TTLL4: variants seen among roughly 807,000 people sequenced by gnomAD.
TTLL4 encodes the protein tubulin monoglutamylase TTLL4.
A neutral mutation model predicts 122.7 loss-of-function variants in TTLL4; 85 were observed. The observed-to-expected ratio is 0.69, with a 90% confidence interval of 0.58 to 0.83. The LOEUF (loss-of-function observed/expected upper bound fraction) is 0.83, where lower values mean the gene tolerates loss of function less well. Among genes scored for constraint, TTLL4 ranks in the 40% least tolerant of loss-of-function variants. The pLI is 0.00. For synonymous variants in TTLL4, 553 were observed against 563.0 expected (o/e 0.98, Z 0.25); for missense variants, 1,363 against 1,488.6 (o/e 0.92, Z 1.39).
intron 5 of TTLL4, among the ~76,000 whole-genome samples, chr2:218,744,048 A>G (rs1942776400): frequency 6.6e-6 from 1 of 152,230 alleles, no homozygotes; most frequent in Non-Finnish European, 1.5e-5. Flanking sequence ...CATACTCAGT[A>G]AACCAAAAGC....
At chr2:218,745,880 C>CGAGGTGT in intron 7 of TTLL4, 79 bp downstream of exon 7, 1 of 1,333,234 alleles carries the variant, frequency 7.5e-7, no homozygotes, top group Non-Finnish European at 1.1e-6. Context: ...GCTCTAGACA[C>CGAGGTGT]CTCGTGCCTA....
rs1272848578 is a variant in TTLL4 at position 218,738,338 on chromosome 2, C to G, written c.662C>G (p.Ser221Cys). The G allele has an allele frequency of 9.9e-6, 16 of 1,614,020 alleles. No individual in the cohort carries two copies. Among genetic ancestry groups the G allele is most frequent in the African/African-American group, 1.3e-5 (1 of 74,904 alleles). ...SSYKPMLNNN[S>C]FMWPNSTPVP... ...TATAAGCCCATGCTGAATAATAATT[C>G]CTTCATGTGGCCAAATAGCACGCCA... Residue 221 changes from serine (S) to cysteine (C), a missense_variant, in exon 3 of 20, where the codon TCC becomes TGC. Ser to Cys is a moderately radical substitution (Grantham distance 112). Coordinates refer to ENST00000392102, the MANE Select transcript of TTLL4 (RefSeq NM_014640.5).
intron 16 of TTLL4, 60 bp from the exon 17 acceptor site, chr2:218,752,703 G>A: frequency 6.3e-7 from 1 of 1,588,710 alleles, no homozygotes; most frequent in Non-Finnish European, 8.6e-7. Flanking sequence ...AGCTTCTTGA[G>A]TCTCTGCCCC....
intron 19 of TTLL4, 32 bp downstream of exon 19, chr2:218,753,701 T>A (rs957567112): frequency 1.9e-6 from 3 of 1,609,144 alleles, no homozygotes; most frequent in Admixed American, 1.7e-5. Flanking sequence ...GAGGGGCTGC[T>A]GGCTGTGAGT....
intron 2 of TTLL4, among the ~76,000 whole-genome samples, chr2:218,727,678 C>T (rs1011647432): frequency 1.3e-5 from 2 of 152,008 alleles, no homozygotes; most frequent in Non-Finnish European, 2.9e-5. Flanking sequence ...GGAGGTGGAG[C>T]TTGCAGTGAG....
intron 2 of TTLL4, among the ~76,000 whole-genome samples, chr2:218,734,659 T>A (rs1197552737): frequency 6.6e-6 from 1 of 152,128 alleles, no homozygotes; most frequent in African/African-American, 2.4e-5. Flanking sequence ...GTGGGGCTGT[T>A]TTTCAGGGGG....
intron 12 of TTLL4, 142 bp from the exon 13 acceptor site, chr2:218,748,694 C>A: frequency 3.2e-6 from 2 of 616,564 alleles, no homozygotes; most frequent in South Asian, 4.8e-5. Flanking sequence ...CTATTTGCAT[C>A]CAAGTTCATC....
Position 218,738,604 on chromosome 2 carries a change from T to G in TTLL4, c.928T>G (p.Leu310Val). The G allele has an allele frequency of 6.2e-7, 1 of 1,614,212 alleles. No individual in the cohort carries two copies. The highest frequency in any genetic ancestry group is 8.5e-7 in the Non-Finnish European group (1 of 1,180,046). ...CTCTTCCTGGTATAACCGGAATAAC[T>G]TAGCCATGAGGGCAGAGCCACTTTC... ...VASSWYNRNN[L>V]AMRAEPLSCA... The change falls in exon 3 of 20, where the codon TTA becomes GTA. Residue 310 changes from leucine to valine, a missense_variant. By Grantham distance (32) the Leu-to-Val change is conservative. Transcript: ENST00000392102.
intron 1 of TTLL4, among the ~76,000 whole-genome samples, chr2:218,720,825 G>C (rs539827357): frequency 4.1e-4 from 62 of 152,244 alleles, no homozygotes; most frequent in African/African-American, 1.4e-3. Context: ...CCTCAAGATG[G>C]GAGGCTGATT....
rs2114664 is a variant in TTLL4, at chr2:218,738,929, G to A, written c.1253G>A (p.Arg418His). 10,570 of 1,614,146 alleles carry A rather than the reference G, an allele frequency of 6.5e-3. 587 individuals carry two copies. The African/African-American group carries it at 0.12, about 19-fold the overall frequency. The stretch of plus-strand genomic sequence containing the variant: ...GACAATACAGTCTTCTGTACCAAGC[G>A]TATCAGCATTCACCTCCTTGCCTCA... ...GLDNTVFCTKRISIHLLASHA... is the reference protein window; with the variant it reads ...GLDNTVFCTKHISIHLLASHA... Residue 418 changes from arginine to histidine, a missense_variant, in exon 3 of 20, where the codon CGT becomes CAT. By Grantham distance (29) the Arg-to-His change is conservative. This residue lies in a region of TTLL4 where 760 missense variants were observed against 808.4 expected (regional missense o/e 0.94). Transcript: ENST00000392102.
chr2:218,738,708 C>T lies in TTLL4; in HGVS notation c.1032C>T (p.Thr344=), dbSNP rs146208784. The T allele has an allele frequency of 1.2e-5, 20 of 1,614,062 alleles. No individual in the cohort carries two copies. The highest frequency in any genetic ancestry group is 4.4e-5 in the South Asian group (4 of 91,084). The part of the protein sequence containing the change: ...IRFTEAVRKL[T]ARGFEKMPRQ... ...TCACTGAGGCCGTGAGGAAATTGAC[C>T]GCAAGAGGCTTTGAGAAGATGCCGA... The change falls in exon 3 of 20, where the codon ACC becomes ACT. Residue 344 remains threonine, a synonymous_variant. Transcript: ENST00000392102.
intron 1 of TTLL4, among the ~76,000 whole-genome samples, chr2:218,723,531 A>G (rs1942103493): frequency 6.6e-6 from 1 of 152,180 alleles, no homozygotes; most frequent in Non-Finnish European, 1.5e-5. Context: ...TTCACTGGCC[A>G]TTGAGAGAGG....
chr2:218,748,654 CAAAAAAAAA>C (rs570493846), intron 12 of TTLL4, 173 bp from the exon 13 acceptor site: 2 of 229,616 alleles, frequency 8.7e-6, no homozygotes, highest in Non-Finnish European at 7.7e-6. Flanking sequence ...AACTCCATCT[CAAAAAAAAA>C]AAAAAAAAAA....
At chr2:218,711,207 C>T (rs527450896) in intron 1 of TTLL4, among the ~76,000 whole-genome samples, 170 bp downstream of exon 1, 1 of 152,322 alleles carries the variant, frequency 6.6e-6, no homozygotes, top group East Asian at 1.9e-4. Context: ...GCCAGGGAGC[C>T]GCGGCCTCCT....
At chr2:218,735,759 G>A (rs1050488155) in intron 2 of TTLL4, among the ~76,000 whole-genome samples, 82 of 147,872 alleles carry the variant, frequency 5.5e-4, no homozygotes, top group Non-Finnish European at 7.9e-4. Context: ...TGCAACCTCC[G>A]CCTCCCGAGG....
At position 218,751,723 on chromosome 2, in the gene TTLL4, G is replaced by A. The variant is rs1486782423; in HGVS notation, c.2893G>A (p.Asp965Asn). The A allele has an allele frequency of 1.9e-6, 3 of 1,613,006 alleles. No individual in the cohort carries two copies. Among genetic ancestry groups the A allele is most frequent in the South Asian group, 1.1e-5 (1 of 91,000 alleles). The change falls in exon 16 of 20, where the codon GAC becomes AAC. Residue 965 changes from aspartate (D) to asparagine (N), a missense_variant. This residue lies in a region of TTLL4 where 596 missense variants were observed against 655.8 expected (regional missense o/e 0.91). Coordinates refer to ENST00000392102, the MANE Select transcript of TTLL4 (RefSeq NM_014640.5). Reference protein sequence around the residue: ...STTSLPTSPGDKCRMAPEHVT... With the variant: ...STTSLPTSPGNKCRMAPEHVT... Reference sequence around the variant, plus strand: ...CCGTAGCCTGCCCACCTCCCCTGGGGACAAATGTCGAATGGCTCCAGAGCA... The same window carrying A: ...CCGTAGCCTGCCCACCTCCCCTGGGAACAAATGTCGAATGGCTCCAGAGCA...
intron 1 of TTLL4, among the ~76,000 whole-genome samples, chr2:218,720,839 G>T (rs1225666625): frequency 2.6e-5 from 4 of 152,134 alleles, no homozygotes; most frequent in South Asian, 2.1e-4. Flanking sequence ...GCTGATTGCC[G>T]AGAGAACCAA....
At chr2:218,746,880 A>G in intron 8 of TTLL4, 123 bp from the exon 9 acceptor site, 1 of 1,040,376 alleles carries the variant, frequency 9.6e-7, no homozygotes, top group South Asian at 1.6e-5. Context: ...GGGTGGTGAT[A>G]GTAAGATGGA....
At chr2:218,753,843 G>C (rs1265934188) in intron 19 of TTLL4, among the ~76,000 whole-genome samples, 174 bp downstream of exon 19, 5 of 152,114 alleles carry the variant, frequency 3.3e-5, no homozygotes, top group Admixed American at 1.3e-4. Context: ...GGTATGCCCA[G>C]GGAAGCTGAG....
Sources: allele counts gnomAD v4.1 joint callset (sites outside exome capture counted in the v4.1 genomes callset), GRCh38; gene constraint gnomAD v4.1.1; regional missense constraint gnomAD v4.1.1; transcripts MANE v1.5; gene names NCBI Gene and HGNC (gene_info 2026-07-23, HGNC 2026-07-21).